ADH1A: variants seen among roughly 807,000 people sequenced by gnomAD.
ADH1A encodes alcohol dehydrogenase 1A.
ADH1A carries 29 observed loss-of-function variants against 35.2 expected under a neutral mutation model. The observed-to-expected ratio is 0.82, with a 90% CI of 0.61 to 1.12. The LOEUF is 1.12. Ranked by LOEUF, ADH1A falls within the 50% of genes most tolerant of loss-of-function variation. The pLI, the probability that ADH1A is intolerant of heterozygous loss-of-function variation, is 0.00. For missense variants in ADH1A, 469 were observed against 464.7 expected, an observed-to-expected ratio of 1.01 and a Z score of -0.09; for synonymous variants, 147 against 164.8, an observed-to-expected ratio of 0.89 and a Z score of 0.83.
chr4:99,281,150 G>T (rs1732991809), intron 6 of ADH1A: 1 of 152,190 alleles, frequency 6.6e-6, no homozygotes, highest in Non-Finnish European at 1.5e-5. Context: ...GGAATCTCTT[G>T]ACACTTCATT....
intron 3 of ADH1A, among the ~76,000 whole-genome samples, chr4:99,285,197 C>T (rs1348806678): frequency 6.6e-6 from 1 of 152,104 alleles, no homozygotes; most frequent in Non-Finnish European, 1.5e-5. Flanking sequence ...TATAATAGTT[C>T]CACTAGATGT....
chr4:99,284,493 A>G lies in ADH1A; in HGVS notation c.473T>C (p.Val158Ala), dbSNP rs1351061737. The change falls in exon 5 of 9, where the codon GTA becomes GCA. Residue 158 changes from valine to alanine, a missense_variant. By Grantham distance (64) the Val-to-Ala change is moderately conservative. Coordinates refer to ENST00000209668, the MANE Select transcript of ADH1A (RefSeq NM_000667.4). ...AGGCGAGGCTGCATCAATTTTGGCT[A>G]CTGCATTTTCATCCACCACTGTGTA... The part of the protein sequence containing the change: ...SQYTVVDENA[V>A]AKIDAASPLE... 6.8e-6 allele frequency: 11 copies of G among 1,614,244 alleles called. No homozygotes were observed. Among genetic ancestry groups the G allele is most frequent in the Non-Finnish European group, 9.3e-6 (11 of 1,180,038 alleles).
chr4:99,279,574 A>C lies in ADH1A; in HGVS notation c.965-10T>G, dbSNP rs761014439. The C allele has an allele frequency of 2.5e-6, 4 of 1,605,974 alleles. No homozygotes were observed. Among genetic ancestry groups the C allele is most frequent in the East Asian group, 2.2e-5 (1 of 44,726 alleles). ...TCTTTACTTTTAAAGCCTGAAAAGA[A>C]GATGGTATCATTGTTAGATTCAACC... On this transcript the variant is annotated splice_polypyrimidine_tract_variant and intron_variant, in intron 7 of 8. Coordinates refer to ENST00000209668, the MANE Select transcript of ADH1A (RefSeq NM_000667.4).
chr4:99,276,610 A>T lies in ADH1A; in HGVS notation c.*14T>A. ...AGGCTGAAGACTGCCACAAGGGAAA[A>T]CATCTGTATTGTCTCAAAACATCAG... On this transcript the variant is annotated 3_prime_UTR_variant, in exon 9 of 9. Transcript: ENST00000209668. The T allele has an allele frequency of 3.1e-6, 5 of 1,609,850 alleles. No individual in the cohort carries two copies. Among genetic ancestry groups the T allele is most frequent in the Non-Finnish European group, 4.3e-6 (5 of 1,176,202 alleles).
At chr4:99,287,724 G>T (rs1185256187) in intron 1 of ADH1A, 59 bp from the exon 2 acceptor site, 7 of 1,580,626 alleles carry the variant, frequency 4.4e-6, no homozygotes, top group Middle Eastern at 3.3e-4. Context: ...GTCAGATATT[G>T]TGTCATTTCA....
At position 99,279,483 on chromosome 4, in the gene ADH1A, T is replaced by C; in HGVS notation, c.1046A>G (p.His349Arg). 4 of 1,611,784 alleles carry C rather than the reference T, an allele frequency of 2.5e-6. No homozygotes were observed. The highest frequency in any genetic ancestry group is 1.3e-5 in the African/African-American group (1 of 74,872). The change falls in exon 8 of 9, where the codon CAT becomes CGT. Residue 349 changes from histidine to arginine, a missense_variant. Transcript: ENST00000209668. The stretch of plus-strand genomic sequence containing the variant: ...ATTTATTTTTTCAAAAGGTAAAACA[T>C]GGGTTATTAATGCATCCAATGAAAA... ...KKFSLDALIT[H>R]VLPFEKINEG...
At position 99,276,449 on chromosome 4, in the gene ADH1A, C is replaced by T. The variant is rs1334160132; in HGVS notation, c.*175G>A. The T allele has an allele frequency of 2.6e-5, 17 of 666,158 alleles. No homozygotes were observed. Among genetic ancestry groups the T allele is most frequent in the Non-Finnish European group, 2.6e-6 (1 of 381,520 alleles). 41.3% of individuals were successfully genotyped at this position (666,158 alleles called of 1,614,324 possible). Reference sequence around the variant, plus strand: ...ATTTAGTTCTCATTTGGATTTTAAACATTTGCTTGAAAAATAATTTTACAT... The same window carrying T: ...ATTTAGTTCTCATTTGGATTTTAAATATTTGCTTGAAAAATAATTTTACAT... On this transcript the variant is annotated 3_prime_UTR_variant, in exon 9 of 9. Transcript: ENST00000209668.
intron 7 of ADH1A, 94 bp downstream of exon 7, chr4:99,280,050 T>C (rs1158157812): frequency 1.9e-6 from 3 of 1,538,902 alleles, no homozygotes; most frequent in East Asian, 2.2e-5. Context: ...TTAATTTGTT[T>C]TTGATCTGCT....
At chr4:99,278,925 A>G (rs1732929782) in intron 8 of ADH1A, among the ~76,000 whole-genome samples, 1 of 152,120 alleles carries the variant, frequency 6.6e-6, no homozygotes, top group South Asian at 2.1e-4. Context: ...AAACTGCAAA[A>G]GAAAAAAAAG....
At chr4:99,282,290 A>C (rs2276332) in intron 6 of ADH1A, 56 bp downstream of exon 6, 147,328 of 1,613,972 alleles carry the variant, frequency 0.091, 9,161 homozygotes, top group Admixed American at 0.32. Context: ...TCTGCAGCCT[A>C]AATGCATCCT....
Position 99,287,643 on chromosome 4 carries a change from A to G in ADH1A, c.41T>C (p.Val14Ala). ...AGKVIKCKAAVLWELKKPFSI... is the reference protein window; with the variant it reads ...AGKVIKCKAAALWELKKPFSI... ...AAAGGGTTTCTTTAACTCCCATAGC[A>G]CAGCTGCTTTGCATTTGATTACCTA... The change falls in exon 2 of 9, where the codon GTG (valine) becomes GCG (alanine). Residue 14 changes from valine (V) to alanine (A), a missense_variant. By Grantham distance (64) the Val-to-Ala change is moderately conservative. Transcript: ENST00000209668. The G allele has an allele frequency of 3.1e-6, 5 of 1,614,024 alleles. No homozygotes were observed. Among genetic ancestry groups the G allele is most frequent in the Non-Finnish European group, 4.2e-6 (5 of 1,179,940 alleles).
At position 99,276,432 on chromosome 4, in the gene ADH1A, C is replaced by G. The variant is rs546438511; in HGVS notation, c.*192G>C. The G allele has an allele frequency of 1.6e-6, 1 of 627,872 alleles. No homozygotes were observed. The highest frequency in any genetic ancestry group is 2.0e-5 in the South Asian group (1 of 49,866). 38.9% of individuals were successfully genotyped at this position (627,872 alleles called of 1,614,324 possible). A position where few individuals can be genotyped will look rare whatever the true frequency, so the allele number is the denominator to read the frequency against. ...CTGATGTTCAACACTTTATTTAGTT[C>G]TCATTTGGATTTTAAACATTTGCTT... On this transcript the variant is annotated 3_prime_UTR_variant, in exon 9 of 9. Coordinates refer to ENST00000209668, the MANE Select transcript of ADH1A (RefSeq NM_000667.4).
intron 5 of ADH1A, among the ~76,000 whole-genome samples, chr4:99,282,868 G>A (rs958765716): frequency 2.0e-5 from 3 of 152,190 alleles, no homozygotes; most frequent in Non-Finnish European, 4.4e-5. Context: ...AAGCTCTGCA[G>A]GTGGAACTTA....
chr4:99,289,631 T>A (rs570449956), intron 1 of ADH1A, among the ~76,000 whole-genome samples: 5 of 152,220 alleles, frequency 3.3e-5, no homozygotes, highest in African/African-American at 1.2e-4. Context: ...TGTCACTATT[T>A]AGCATTTGAG....
intron 5 of ADH1A, among the ~76,000 whole-genome samples, chr4:99,283,706 C>T (rs1158095456): frequency 6.6e-6 from 1 of 152,096 alleles, no homozygotes; most frequent in Admixed American, 6.5e-5. Flanking sequence ...CTCTGGGCCT[C>T]GGTTTCATAA....
chr4:99,286,642 T>TA lies in ADH1A; in HGVS notation c.259+207dup, dbSNP rs1419763770. ...TGGCATCTAGCAGATGCTCAGTACA[T>TA]AATTGTTGAAGGGTAGAATACATGC... On this transcript the variant is annotated intron_variant, in intron 3 of 8. Transcript: ENST00000209668. 3.9e-6 allele frequency: 3 copies of TA among 762,584 alleles called. No homozygotes were observed. In the African/African-American group the frequency reaches 5.3e-5, roughly 13 times the overall value. 47.2% of individuals were successfully genotyped at this position (762,584 alleles called of 1,614,324 possible). A position where few individuals can be genotyped will look rare whatever the true frequency, so the allele number is the denominator to read the frequency against.
intron 1 of ADH1A, among the ~76,000 whole-genome samples, chr4:99,289,190 C>T (rs1355296784): frequency 1.3e-5 from 2 of 152,040 alleles, no homozygotes; most frequent in Non-Finnish European, 1.5e-5. Context: ...GGTATATGCA[C>T]ACCATATTTT....
In ADH1A at chr4:99,287,554, T is replaced by C. The variant is rs1733184911; in HGVS notation, c.120+10A>G. 2 of 1,599,298 alleles carry C rather than the reference T, an allele frequency of 1.3e-6. No individual in the cohort carries two copies. Among genetic ancestry groups the C allele is most frequent in the African/African-American group, 1.3e-5 (1 of 74,344 alleles). On this transcript the variant is annotated intron_variant, in intron 2 of 8. Transcript: ENST00000209668. Reference sequence around the variant, plus strand: ...TAAAACTTAAATACAAATGGAAAAATGTATTTCACCTTAATACGAACTTCA... The same window carrying C: ...TAAAACTTAAATACAAATGGAAAAACGTATTTCACCTTAATACGAACTTCA...
Position 99,287,642 on chromosome 4 carries a change from C to T in ADH1A, c.42G>A (p.Val14=), listed in dbSNP as rs765536939. The part of the protein sequence containing the change: ...AGKVIKCKAA[V]LWELKKPFSI... ...AAAAGGGTTTCTTTAACTCCCATAG[C>T]ACAGCTGCTTTGCATTTGATTACCT... is the stretch of plus-strand genomic sequence containing the variant. Residue 14 remains valine (V), a synonymous_variant, in exon 2 of 9, where the codon GTG becomes GTA. Coordinates refer to ENST00000209668, the MANE Select transcript of ADH1A (RefSeq NM_000667.4). The T allele has an allele frequency of 1.2e-6, 2 of 1,614,016 alleles. No individual in the cohort carries two copies. Among genetic ancestry groups the T allele is most frequent in the South Asian group, 1.1e-5 (1 of 91,064 alleles).
Sources: gnomAD v4.1 joint callset for allele counts (sites outside exome capture counted in the v4.1 genomes callset) on GRCh38, gnomAD v4.1.1 for gene constraint, MANE v1.5 for transcripts, NCBI Gene and HGNC (gene_info 2026-07-23, HGNC 2026-07-21) for gene names.